Variants in TALDO1 observed in about 807,000 individuals in gnomAD.
The protein encoded by TALDO1 is transaldolase 1, also known as transaldolase.
TALDO1 carries 29 observed loss-of-function variants against 38.1 expected under a neutral mutation model. That is an observed-to-expected ratio of 0.76 (90% CI 0.57 to 1.04). The LOEUF is 1.04. Ranked by LOEUF, TALDO1 falls within the 50% of genes least tolerant of loss-of-function variation. The probability of loss-of-function intolerance (pLI) is 0.00; values close to 1 mark genes in which losing one functional copy is unlikely to be tolerated. For missense variants in TALDO1, 499 were observed against 438.1 expected (o/e 1.14, Z -1.24); for synonymous variants, 207 against 176.8 (o/e 1.17, Z -1.36).
Position 763,783 on chromosome 11 carries a change from A to G in TALDO1, c.674A>G (p.Lys225Arg). 1 of 1,613,998 alleles carries G rather than the reference A, an allele frequency of 6.2e-7. No individual in the cohort carries two copies. The highest frequency in any genetic ancestry group is 8.5e-7 in the Non-Finnish European group (1 of 1,179,982). Reference sequence around the variant, plus strand: ...GTCACTAAAATCTACAACTACTACAAGAAGTTTAGCTACAAAACCATTGTC... The same window carrying G: ...GTCACTAAAATCTACAACTACTACAGGAAGTTTAGCTACAAAACCATTGTC... Reference protein sequence around the residue: ...KSVTKIYNYYKKFSYKTIVMG... With the variant: ...KSVTKIYNYYRKFSYKTIVMG... The change falls in exon 6 of 8, where the codon AAG becomes AGG. Residue 225 changes from lysine (K) to arginine (R), a missense_variant. Transcript: ENST00000319006.
chr11:754,005 A>C (rs1430154695), intron 1 of TALDO1, among the ~76,000 whole-genome samples: 2 of 150,746 alleles, frequency 1.3e-5, no homozygotes, highest in Non-Finnish European at 3.0e-5. Context: ...TTTTTTTTGC[A>C]ACAGAGTCTT....
At chr11:756,552 G>A (rs1159130130) in intron 2 of TALDO1, among the ~76,000 whole-genome samples, 5 of 72,706 alleles carry the variant, frequency 6.9e-5, no homozygotes, top group Non-Finnish European at 1.1e-4. Context: ...TTTTGCTTTT[G>A]TTGTCCAGGC....
rs139542493 is a variant in TALDO1 at position 751,407 on chromosome 11, G to A, written c.97+3829G>A. On this transcript the variant is annotated intron_variant, in intron 1 of 7. Transcript: ENST00000319006. ...GTTGGGGCCAGCCTCGGTGGCTCAT[G>A]CGTATAATCCCCAGCACTTTGGGAG... Among the ~76,000 whole-genome samples, 1,196 of 152,260 alleles carry A rather than the reference G, an allele frequency of 7.9e-3. 8 individuals carry two copies. Among genetic ancestry groups the A allele is most frequent in the African/African-American group, 0.026 (1,084 of 41,530 alleles).
At chr11:756,369 G>T in intron 2 of TALDO1, 1 of 269,988 alleles carries the variant, frequency 3.7e-6, no homozygotes, top group Non-Finnish European at 7.3e-6. Context: ...ACGGAGTCTC[G>T]CTGTGTCACC....
rs896484137 is a variant in TALDO1 at position 755,466 on chromosome 11, T to G, written c.98-413T>G. Reference sequence around the variant, plus strand: ...GCTCCCCTTGGCTTCTTGACTCTGTTGCAGCTGGGTATGGTGATAATGACC... The same window carrying G: ...GCTCCCCTTGGCTTCTTGACTCTGTGGCAGCTGGGTATGGTGATAATGACC... On this transcript the variant is annotated intron_variant, in intron 1 of 7. Coordinates refer to ENST00000319006, the MANE Select transcript of TALDO1 (RefSeq NM_006755.2). Among the ~76,000 whole-genome samples, 10 of 152,170 alleles carry G rather than the reference T, an allele frequency of 6.6e-5. No individual in the cohort carries two copies. The South Asian group carries it at 2.1e-3, about 32-fold the overall frequency.
chr11:754,684 CTGGT>C (rs1482967961), intron 1 of TALDO1, among the ~76,000 whole-genome samples: 1 of 152,074 alleles, frequency 6.6e-6, no homozygotes, highest in East Asian at 1.9e-4. Flanking sequence ...TTTGGCCAGG[CTGGT>C]TTCAAACTCC....
chr11:761,676 C>A (rs1483218909), intron 4 of TALDO1, among the ~76,000 whole-genome samples: 1 of 152,174 alleles, frequency 6.6e-6, no homozygotes, highest in Non-Finnish European at 1.5e-5. Context: ...GTTCTACCAC[C>A]TGCCATCACT....
At chr11:763,080 G>A (rs1254712654) in intron 4 of TALDO1, among the ~76,000 whole-genome samples, 3 of 150,778 alleles carry the variant, frequency 2.0e-5, no homozygotes, top group Non-Finnish European at 4.4e-5. Context: ...GAGTCTTACC[G>A]ATTTGTTCTT....
Position 759,022 on chromosome 11 carries a change from G to A in TALDO1, c.294G>A (p.Lys98=), listed in dbSNP as rs1862889437. Residue 98 remains lysine (K), a synonymous_variant, in exon 3 of 8, where the codon AAG becomes AAA. Transcript: ENST00000319006. ...FVLFGAEILK[K]IPGRVSTEVD... is the part of the protein sequence containing the mutation. ...TGTTTGGAGCAGAAATACTAAAGAAGATTCCGGGCCGAGTATCCACAGAAG... is the reference window on the plus strand; with the variant it reads ...TGTTTGGAGCAGAAATACTAAAGAAAATTCCGGGCCGAGTATCCACAGAAG... 2 of 1,613,226 alleles carry A rather than the reference G, an allele frequency of 1.2e-6. No individual in the cohort carries two copies. Among genetic ancestry groups the A allele is most frequent in the East Asian group, 2.2e-5 (1 of 44,842 alleles).
At chr11:759,274 AT>A (rs1295103070) in intron 3 of TALDO1, among the ~76,000 whole-genome samples, 2 of 151,582 alleles carry the variant, frequency 1.3e-5, no homozygotes, top group Non-Finnish European at 2.9e-5. Context: ...ATTTTTATTT[AT>A]TTTTGAGATG....
At chr11:749,876 G>A (rs1406582394) in intron 1 of TALDO1, among the ~76,000 whole-genome samples, 1 of 152,174 alleles carries the variant, frequency 6.6e-6, no homozygotes, top group Non-Finnish European at 1.5e-5. Flanking sequence ...TGCACAACAG[G>A]CTTTTTCTTA....
intron 1 of TALDO1, among the ~76,000 whole-genome samples, chr11:753,327 C>G (rs1391997142): frequency 6.6e-6 from 1 of 151,726 alleles, no homozygotes; most frequent in African/African-American, 2.4e-5. Flanking sequence ...GTCAGGAGAT[C>G]GAGACCATCC....
At chr11:754,465 T>C (rs2133572191) in intron 1 of TALDO1, among the ~76,000 whole-genome samples, 1 of 152,258 alleles carries the variant, frequency 6.6e-6, no homozygotes, top group African/African-American at 2.4e-5. Context: ...GCGATATTTA[T>C]TTATTTGTTT....
rs564082200 is a variant in TALDO1 at position 756,807 on chromosome 11, C to T, written c.221+805C>T. On this transcript the variant is annotated intron_variant, in intron 2 of 7. Transcript: ENST00000319006. Reference sequence around the variant, plus strand: ...TGCTCGGATTACAGACGTGAGCCACCGTGCCTGGCTTTTTAATTTTTTAAT... The same window carrying T: ...TGCTCGGATTACAGACGTGAGCCACTGTGCCTGGCTTTTTAATTTTTTAAT... 5.3e-5 allele frequency among the ~76,000 whole-genome samples: 8 copies of T among 152,204 alleles called. No individual in the cohort carries two copies. In the South Asian group the frequency reaches 6.2e-4, roughly 12 times the overall value.
chr11:761,335 C>CAAAAA (rs71022968), intron 4 of TALDO1, among the ~76,000 whole-genome samples: 5 of 81,996 alleles, frequency 6.1e-5, no homozygotes, highest in Non-Finnish European at 1.2e-4. Flanking sequence ...GACTCCATCT[C>CAAAAA]AAAAAAAAAA....
rs1211322723 is a variant in TALDO1 at position 762,792 on chromosome 11, G to A, written c.462-552G>A. Among the ~76,000 whole-genome samples, 3 of 152,232 alleles carry A rather than the reference G, an allele frequency of 2.0e-5. 1 individual carries two copies. Among genetic ancestry groups the A allele is most frequent in the Non-Finnish European group, 4.4e-5 (3 of 68,046 alleles). Reference sequence around the variant, plus strand: ...GGATTTGGGCAAGTGGCCTAGTGAGGCCAAGGGGCTCCTCTCAGCAGAAAC... The same window carrying A: ...GGATTTGGGCAAGTGGCCTAGTGAGACCAAGGGGCTCCTCTCAGCAGAAAC... On this transcript the variant is annotated intron_variant, in intron 4 of 7. Coordinates refer to ENST00000319006, the MANE Select transcript of TALDO1 (RefSeq NM_006755.2).
intron 2 of TALDO1, 106 bp downstream of exon 2, chr11:756,108 A>G (rs1564991387): frequency 6.8e-7 from 1 of 1,467,106 alleles, no homozygotes; most frequent in Non-Finnish European, 9.1e-7. Context: ...CATGAACTCA[A>G]GGGGGGAAAA....
At chr11:748,047 C>T (rs1360723480) in intron 1 of TALDO1, among the ~76,000 whole-genome samples, 1 of 152,262 alleles carries the variant, frequency 6.6e-6, no homozygotes, top group African/African-American at 2.4e-5. Context: ...CCCCTCTGTG[C>T]ACCTTCATGG....
chr11:764,959 G>T lies in TALDO1; in HGVS notation c.*114G>T. On this transcript the variant is annotated 3_prime_UTR_variant, in exon 8 of 8. Coordinates refer to ENST00000319006, the MANE Select transcript of TALDO1 (RefSeq NM_006755.2). Reference sequence around the variant, plus strand: ...CAAATTGGAGCAGGGACAGATCATAGATTTCTGATTTTATGTAAAATTTTG... The same window carrying T: ...CAAATTGGAGCAGGGACAGATCATATATTTCTGATTTTATGTAAAATTTTG... 1 of 1,452,198 alleles carries T rather than the reference G, an allele frequency of 6.9e-7. No homozygotes were observed. Among genetic ancestry groups the T allele is most frequent in the South Asian group, 1.1e-5 (1 of 87,276 alleles). The allele number at this position is 1,452,198 out of a possible 1,614,324, so 90.0% of individuals were successfully genotyped here. A position where few individuals can be genotyped will look rare whatever the true frequency, so the allele number is the denominator to read the frequency against.
Sources: gnomAD v4.1 joint callset for allele counts (sites outside exome capture counted in the v4.1 genomes callset) on GRCh38, gnomAD v4.1.1 for gene constraint, MANE v1.5 for transcripts, NCBI Gene and HGNC (gene_info 2026-07-23, HGNC 2026-07-21) for gene names.